The following RBM33 variants were observed in gnomAD, a reference collection of about 807,000 sequenced individuals.
RBM33 encodes RNA binding motif protein 33.
In RBM33, 28 loss-of-function variants were observed where a neutral mutation model predicts 132.6. The ratio of observed to expected loss-of-function variants is 0.21; its 90% CI spans 0.16 to 0.29. The LOEUF (loss-of-function observed/expected upper bound fraction) is 0.29. Among genes scored for constraint, RBM33 ranks in the 10% least tolerant of loss-of-function variants. The pLI is 1.00. For synonymous variants in RBM33, 634 were observed against 593.0 expected, an observed-to-expected ratio of 1.07 and a Z score of -1.01; for missense variants, 1,291 against 1,518.5, an observed-to-expected ratio of 0.85 and a Z score of 2.49.
At chr7:155,696,584 G>A (rs982997659) in intron 5 of RBM33, among the ~76,000 whole-genome samples, 1 of 152,020 alleles carries the variant, frequency 6.6e-6, no homozygotes, top group African/African-American at 2.4e-5. Context: ...TGAGTTTGCT[G>A]GGATTTTCTT....
intron 14 of RBM33, among the ~76,000 whole-genome samples, chr7:155,748,469 A>G (rs1302060870): frequency 6.6e-6 from 1 of 152,224 alleles, no homozygotes; most frequent in Admixed American, 6.5e-5. Context: ...ATGAAAGCAC[A>G]GTTTTCTTGC....
At chr7:155,681,340 C>G (rs1417166429) in intron 5 of RBM33, among the ~76,000 whole-genome samples, 1 of 152,170 alleles carries the variant, frequency 6.6e-6, no homozygotes, top group Non-Finnish European at 1.5e-5. Context: ...GTTCATTCAT[C>G]CTTTTTGTAG....
intron 9 of RBM33, among the ~76,000 whole-genome samples, chr7:155,724,506 C>T (rs1463123814): frequency 6.6e-6 from 1 of 152,118 alleles, no homozygotes; most frequent in Non-Finnish European, 1.5e-5. Flanking sequence ...CCAGCCTGGG[C>T]GATGGAGCGA....
chr7:155,710,574 T>C (rs1194935768), intron 7 of RBM33, among the ~76,000 whole-genome samples: 3 of 152,236 alleles, frequency 2.0e-5, no homozygotes, highest in Non-Finnish European at 4.4e-5. Flanking sequence ...CCTGGTCTCC[T>C]GATTTTACTA....
Position 155,700,688 on chromosome 7 carries a change from T to C in RBM33, c.568-85T>C, listed in dbSNP as rs1367858290. On this transcript the variant is annotated intron_variant, in intron 5 of 17. Coordinates refer to ENST00000401878, the MANE Select transcript of RBM33 (RefSeq NM_053043.3). The stretch of plus-strand genomic sequence containing the variant: ...TTTTTTACATCTGAAATATAAACAA[T>C]TAAATATTTTAGCATTCTTTAATAT... The C allele has an allele frequency of 1.0e-5, 10 of 1,000,590 alleles. No individual in the cohort carries two copies. In the South Asian group the frequency reaches 1.6e-4, roughly 16 times the overall value. The allele number at this position is 1,000,590 out of a possible 1,614,324, so 62.0% of individuals were successfully genotyped here. A position where few individuals can be genotyped will look rare whatever the true frequency, so the allele number is the denominator to read the frequency against.
chr7:155,672,203 CTTCA>C (rs1487115976), intron 2 of RBM33, among the ~76,000 whole-genome samples: 1 of 150,908 alleles, frequency 6.6e-6, no homozygotes, highest in Non-Finnish European at 1.5e-5. Flanking sequence ...TCTTTTCCTT[CTTCA>C]TTAAGGTTTT....
intron 3 of RBM33, among the ~76,000 whole-genome samples, chr7:155,677,173 G>T (rs1799206679): frequency 6.6e-6 from 1 of 151,636 alleles, no homozygotes; most frequent in South Asian, 2.1e-4. Flanking sequence ...GCCCTGTGTG[G>T]ATGACAGATT....
In RBM33 at chr7:155,744,475, T is replaced by A. The variant is rs1450178061; in HGVS notation, c.2338-486T>A. ...AGAGAGATTGACTTGTGCTGTTCAT[T>A]ATAACCAATTATTCTGTGACAAATG... On this transcript the variant is annotated intron_variant, in intron 13 of 17. Coordinates refer to ENST00000401878, the MANE Select transcript of RBM33 (RefSeq NM_053043.3). Among the ~76,000 whole-genome samples the A allele has an allele frequency of 4.6e-5, 7 of 152,212 alleles. No homozygotes were observed. In the South Asian group the frequency reaches 1.4e-3, roughly 32 times the overall value.
intron 14 of RBM33, among the ~76,000 whole-genome samples, chr7:155,759,957 A>C (rs1273251847): frequency 1.3e-5 from 2 of 152,150 alleles, no homozygotes; most frequent in Non-Finnish European, 2.9e-5. Flanking sequence ...GTGACACTTC[A>C]TGTTGCTGGG....
At position 155,672,862 on chromosome 7, in the gene RBM33, C is replaced by T. The variant is rs1798983092; in HGVS notation, c.123-5C>T. 4.5e-6 allele frequency: 7 copies of T among 1,540,916 alleles called. No individual in the cohort carries two copies. Among genetic ancestry groups the T allele is most frequent in the Non-Finnish European group, 6.1e-6 (7 of 1,141,602 alleles). ...CATTGACATGTCTCTTTTTTTTCTC[C>T]CAAGTGAACTTGAAGATGATTTACT... On this transcript the variant is annotated splice_region_variant and splice_polypyrimidine_tract_variant and intron_variant, in intron 2 of 17. Coordinates refer to ENST00000401878, the MANE Select transcript of RBM33 (RefSeq NM_053043.3).
At chr7:155,647,962 G>A (rs1223925406) in intron 1 of RBM33, among the ~76,000 whole-genome samples, 11 of 152,102 alleles carry the variant, frequency 7.2e-5, no homozygotes, top group South Asian at 4.1e-4. Flanking sequence ...TACACAAATC[G>A]TAAAAAGCCT....
chr7:155,658,235 T>C (rs1344745966), intron 1 of RBM33, among the ~76,000 whole-genome samples: 4 of 152,192 alleles, frequency 2.6e-5, no homozygotes, highest in Non-Finnish European at 4.4e-5. Context: ...CAATTTTGGA[T>C]TTAAAAATAT....
intron 5 of RBM33, among the ~76,000 whole-genome samples, chr7:155,683,923 AT>A (rs1489246521): frequency 6.6e-6 from 1 of 152,180 alleles, no homozygotes; most frequent in Non-Finnish European, 1.5e-5. Context: ...ACTGTACTGC[AT>A]TGTACACTGG....
Position 155,774,686 on chromosome 7 carries a change from G to T in RBM33, c.3464+39G>T, listed in dbSNP as rs963478900. On this transcript the variant is annotated intron_variant, in intron 17 of 17. Transcript: ENST00000401878. The surrounding 1 kb of genome is among the most constrained non-coding windows in gnomAD (Gnocchi z 4.2). ...TCTGTGCTTGTGGTGATAAGGGGGC[G>T]GGAGCAAGGCCCTCCTTCCTGTGCC... is the stretch of plus-strand genomic sequence containing the variant. 9 of 1,517,708 alleles carry T rather than the reference G, an allele frequency of 5.9e-6. No individual in the cohort carries two copies. The highest frequency in any genetic ancestry group is 6.4e-6 in the Non-Finnish European group (7 of 1,092,264). The allele number at this position is 1,517,708 out of a possible 1,614,324, so 94.0% of individuals were successfully genotyped here. A position where few individuals can be genotyped will look rare whatever the true frequency, so the allele number is the denominator to read the frequency against.
chr7:155,701,101 T>G, intron 6 of RBM33, 157 bp downstream of exon 6: 1 of 654,336 alleles, frequency 1.5e-6, no homozygotes, highest in South Asian at 1.8e-5. Context: ...CTGTTTATGG[T>G]ACTGTAAAAC....
intron 14 of RBM33, among the ~76,000 whole-genome samples, chr7:155,755,900 T>C (rs930387354): frequency 2.7e-5 from 4 of 150,458 alleles, no homozygotes; most frequent in Non-Finnish European, 5.9e-5. Flanking sequence ...TTTATAAATA[T>C]ACAAAAAAAA....
intron 9 of RBM33, among the ~76,000 whole-genome samples, chr7:155,730,044 G>A (rs1800910355): frequency 6.6e-6 from 1 of 152,170 alleles, no homozygotes; most frequent in African/African-American, 2.4e-5. Flanking sequence ...GTGAGGCTCG[G>A]GGAATACCTT....
At chr7:155,687,469 T>G (rs1369616168) in intron 5 of RBM33, among the ~76,000 whole-genome samples, 3 of 152,238 alleles carry the variant, frequency 2.0e-5, no homozygotes, top group African/African-American at 7.2e-5. Context: ...GTGCAGAAGC[T>G]CTTTACTTTA....
chr7:155,670,104 A>G (rs1040214575), intron 2 of RBM33, among the ~76,000 whole-genome samples: 2 of 152,250 alleles, frequency 1.3e-5, no homozygotes, highest in African/African-American at 4.8e-5. Flanking sequence ...TGTTTCCTGA[A>G]AAACGTCTTT....
Sources: allele counts gnomAD v4.1 joint callset (sites outside exome capture counted in the v4.1 genomes callset), GRCh38; gene constraint gnomAD v4.1.1; non-coding constraint Gnocchi (gnomAD v3.1); transcripts MANE v1.5; gene names NCBI Gene and HGNC (gene_info 2026-07-23, HGNC 2026-07-21).